CCND3: variants seen among roughly 807,000 people sequenced by gnomAD.
CCND3 encodes the protein G1/S-specific cyclin-D3.
In CCND3, 9 loss-of-function variants were observed where a neutral mutation model predicts 28.7. That is an observed-to-expected ratio of 0.31 (90% confidence interval 0.19 to 0.55). CCND3 has a LOEUF of 0.55. Among genes scored for constraint, CCND3 ranks in the 20% least tolerant of loss-of-function variants. The probability of loss-of-function intolerance (pLI) is 0.93; values close to 1 mark genes in which losing one functional copy is unlikely to be tolerated. For missense variants in CCND3, 315 were observed against 385.8 expected (o/e 0.82, Z 1.54); for synonymous variants, 164 against 163.9 (o/e 1.00, Z 0.00).
chr6:42,045,018 C>A (rs940488420), intron 1 of CCND3, among the ~76,000 whole-genome samples: 6 of 143,272 alleles, frequency 4.2e-5, no homozygotes, highest in Middle Eastern at 3.8e-3. Flanking sequence ...GTTGGTCAGG[C>A]TGGTCTCGAA....
rs1326858050 is a variant in CCND3 at position 41,988,324 on chromosome 6, A to G, written c.-45-47739T>C. 7.2e-5 allele frequency among the ~76,000 whole-genome samples: 11 copies of G among 152,026 alleles called. No homozygotes were observed. In the Admixed American group the frequency reaches 7.2e-4, roughly 10 times the overall value. The stretch of plus-strand genomic sequence containing the variant: ...AAACTCTGTCTCAAAACATAATAAT[A>G]ATAAAAATTAAAACAGTATTTCTCA... On this transcript the variant is annotated intron_variant, in intron 1 of 4. Coordinates refer to the CCND3 transcript ENST00000372988.
At chr6:41,947,324 C>G (rs1046602050) in intron 1 of CCND3, among the ~76,000 whole-genome samples, 3 of 152,188 alleles carry the variant, frequency 2.0e-5, no homozygotes, top group African/African-American at 4.8e-5. Context: ...GTGAACTGAC[C>G]TGTTTTTAGT....
At chr6:42,006,768 C>T (rs1446930299) in intron 1 of CCND3, among the ~76,000 whole-genome samples, 2 of 151,866 alleles carry the variant, frequency 1.3e-5, no homozygotes, top group Non-Finnish European at 2.9e-5. Context: ...ATTAGCTGGG[C>T]GTGGTGGCGG....
chr6:42,013,373 A>G (rs904205985), intron 1 of CCND3, among the ~76,000 whole-genome samples: 5 of 152,164 alleles, frequency 3.3e-5, no homozygotes, highest in African/African-American at 1.2e-4. Flanking sequence ...GAGACATCCC[A>G]TTGTATGTTC....
rs945936822 is a variant in CCND3 at position 41,939,507 on chromosome 6, T to A, written c.414+863A>T. Among the ~76,000 whole-genome samples, 13 of 152,142 alleles carry A rather than the reference T, an allele frequency of 8.5e-5. No individual in the cohort carries two copies. Among genetic ancestry groups the A allele is most frequent in the African/African-American group, 3.1e-4 (13 of 41,446 alleles). On this transcript the variant is annotated intron_variant, in intron 2 of 4. Coordinates refer to ENST00000372991, the MANE Select transcript of CCND3 (RefSeq NM_001760.5). This position sits in a 1 kb window ranked among gnomAD's most constrained non-coding sequence, Gnocchi z 4.2. The stretch of plus-strand genomic sequence containing the variant: ...TGAGGCGGGACAGAACCGGTGACTT[T>A]CCTGCCCGGCCTGAGCCCAGCCCAA...
At chr6:42,012,224 G>A (rs1030006551) in intron 1 of CCND3, among the ~76,000 whole-genome samples, 1 of 152,122 alleles carries the variant, frequency 6.6e-6, no homozygotes, top group African/African-American at 2.4e-5. Context: ...TGGCCAATAT[G>A]GCAAAACCCC....
chr6:42,045,344 TTG>T, intron 1 of CCND3, among the ~76,000 whole-genome samples: 1 of 152,320 alleles, frequency 6.6e-6, no homozygotes, highest in South Asian at 2.1e-4. Flanking sequence ...CTAAATTACT[TTG>T]AGCAAGTTTG....
intron 1 of CCND3, among the ~76,000 whole-genome samples, chr6:41,993,413 T>C (rs367910016): frequency 4.3e-4 from 61 of 143,328 alleles, no homozygotes; most frequent in Admixed American, 2.1e-3. Flanking sequence ...ATGTCTTCTT[T>C]TTTTTTTTTT....
chr6:42,035,211 C>A (rs1018192430), intron 1 of CCND3, among the ~76,000 whole-genome samples: 1 of 152,192 alleles, frequency 6.6e-6, no homozygotes, highest in Admixed American at 6.5e-5. Context: ...TACTCCCTTG[C>A]GGAAGCATGC....
intron 1 of CCND3, among the ~76,000 whole-genome samples, chr6:42,033,827 G>A (rs948565974): frequency 1.3e-5 from 2 of 151,056 alleles, no homozygotes; most frequent in Admixed American, 6.6e-5. Context: ...CTCCAGTCTG[G>A]GCAACAAGAG....
intron 1 of CCND3, among the ~76,000 whole-genome samples, chr6:41,974,593 C>G (rs1254128111): frequency 6.6e-6 from 1 of 152,084 alleles, no homozygotes; most frequent in Non-Finnish European, 1.5e-5. Context: ...AGTGCCCATG[C>G]TATTACTCAA....
At chr6:42,033,547 GTTAAAA>G (rs1261388068) in intron 1 of CCND3, among the ~76,000 whole-genome samples, 2 of 151,052 alleles carry the variant, frequency 1.3e-5, no homozygotes, top group Admixed American at 1.3e-4. Context: ...TATAAAATGA[GTTAAAA>G]TTAAAACATT....
At chr6:42,042,721 A>C (rs1335315494) in intron 1 of CCND3, among the ~76,000 whole-genome samples, 3 of 152,188 alleles carry the variant, frequency 2.0e-5, no homozygotes, top group Non-Finnish European at 4.4e-5. Flanking sequence ...ATGTATAAGA[A>C]GCAGAATAAT....
intron 1 of CCND3, among the ~76,000 whole-genome samples, chr6:41,995,086 A>G (rs1004321976): frequency 6.6e-6 from 1 of 152,106 alleles, no homozygotes; most frequent in Admixed American, 6.6e-5. Context: ...ATAGATAAAC[A>G]AAAATAAATA....
chr6:41,975,363 G>A (rs1298270710), intron 1 of CCND3, among the ~76,000 whole-genome samples: 1 of 152,114 alleles, frequency 6.6e-6, no homozygotes, highest in Non-Finnish European at 1.5e-5. Flanking sequence ...TGCAACCCAA[G>A]CGAGGGTATC....
chr6:42,047,734 A>T (rs941477887), intron 1 of CCND3, among the ~76,000 whole-genome samples: 2 of 152,186 alleles, frequency 1.3e-5, no homozygotes, highest in African/African-American at 4.8e-5. Flanking sequence ...CCAGTGTCCA[A>T]CACCACAGCT....
intron 1 of CCND3, among the ~76,000 whole-genome samples, chr6:41,996,599 A>G (rs946888908): frequency 2.6e-5 from 4 of 151,642 alleles, no homozygotes; most frequent in Non-Finnish European, 2.9e-5. Flanking sequence ...CATTTATCAT[A>G]GTTTATAGTG....
chr6:41,996,298 C>T (rs931709904), intron 1 of CCND3, among the ~76,000 whole-genome samples: 3 of 151,536 alleles, frequency 2.0e-5, no homozygotes, highest in Non-Finnish European at 2.9e-5. Flanking sequence ...TACAGGCACA[C>T]GCCACCATGT....
At chr6:42,020,443 G>A (rs533612884) in intron 1 of CCND3, among the ~76,000 whole-genome samples, 4 of 152,114 alleles carry the variant, frequency 2.6e-5, no homozygotes, top group South Asian at 2.1e-4. Flanking sequence ...TCAGGTCCCC[G>A]GAAGGACTCT....
Sources: allele counts gnomAD v4.1 joint callset (sites outside exome capture counted in the v4.1 genomes callset), GRCh38; gene constraint gnomAD v4.1.1; non-coding constraint Gnocchi (gnomAD v3.1); transcripts MANE v1.5; gene names NCBI Gene and HGNC (gene_info 2026-07-23, HGNC 2026-07-21).